The following ZFYVE9 variants were observed in gnomAD, a reference collection of about 807,000 sequenced individuals.
ZFYVE9 encodes zinc finger FYVE domain-containing protein 9.
A neutral mutation model predicts 126.7 loss-of-function variants in ZFYVE9; 43 were observed. The ratio of observed to expected loss-of-function variants is 0.34; its 90% confidence interval spans 0.27 to 0.44. The LOEUF (loss-of-function observed/expected upper bound fraction) is 0.44. Among genes scored for constraint, ZFYVE9 ranks in the 20% least tolerant of loss-of-function variants. The pLI is 1.00. For synonymous variants in ZFYVE9, 521 were observed against 597.4 expected (o/e 0.87, Z 1.87); for missense variants, 1,476 against 1,697.0 (o/e 0.87, Z 2.29).
At chr1:52,324,945 G>A (rs917642320) in intron 13 of ZFYVE9, among the ~76,000 whole-genome samples, 4 of 152,044 alleles carry the variant, frequency 2.6e-5, no homozygotes, top group Non-Finnish European at 5.9e-5. Flanking sequence ...AACCAGCCTT[G>A]GCAACATAGT....
intron 7 of ZFYVE9, among the ~76,000 whole-genome samples, chr1:52,272,672 T>C (rs114138472): frequency 7.1e-4 from 91 of 128,534 alleles, no homozygotes; most frequent in African/African-American, 9.4e-4. Flanking sequence ...CTAGAAATAA[T>C]CTTTTTTTTT....
chr1:52,225,709 G>A (rs930327183), intron 2 of ZFYVE9, among the ~76,000 whole-genome samples: 2 of 152,156 alleles, frequency 1.3e-5, no homozygotes, highest in African/African-American at 4.8e-5. Flanking sequence ...TTATGACCAG[G>A]AAGTTGAGTC....
chr1:52,276,805 AT>A (rs759322446), intron 8 of ZFYVE9, among the ~76,000 whole-genome samples: 1 of 152,240 alleles, frequency 6.6e-6, no homozygotes, highest in Non-Finnish European at 1.5e-5. Context: ...TGTTGGCTAC[AT>A]TAACACTTTT....
intron 1 of ZFYVE9, among the ~76,000 whole-genome samples, chr1:52,164,478 TGTTGG>T (rs1356092915): frequency 5.9e-5 from 9 of 152,040 alleles, no homozygotes; most frequent in African/African-American, 1.9e-4. Context: ...ACTCCCAAAG[TGTTGG>T]GATTACAGGC....
intron 9 of ZFYVE9, among the ~76,000 whole-genome samples, chr1:52,281,080 T>C (rs142233357): frequency 1.0e-3 from 157 of 151,930 alleles, no homozygotes; most frequent in African/African-American, 3.6e-3. Context: ...TTTAAGTGCG[T>C]TTTATTATTA....
At position 52,239,223 on chromosome 1, in the gene ZFYVE9, C is replaced by T. The variant is rs1378162690; in HGVS notation, c.1806C>T (p.Asp602=). The T allele has an allele frequency of 6.2e-7, 1 of 1,614,060 alleles. No individual in the cohort carries two copies. Among genetic ancestry groups the T allele is most frequent in the Admixed American group, 1.7e-5 (1 of 59,994 alleles). The stretch of plus-strand genomic sequence containing the variant: ...CATTATCAGACCATTTACAAAATGA[C>T]TTTCCTGCAAACAGTGGAAATAATA... ...PKPLSDHLQN[D]FPANSGNNTK... The change falls in exon 4 of 19, where the codon GAC becomes GAT. Residue 602 remains aspartate (D), a synonymous_variant. Transcript: ENST00000287727.
intron 2 of ZFYVE9, among the ~76,000 whole-genome samples, chr1:52,225,165 CAG>C (rs1557466490): frequency 6.6e-6 from 1 of 152,178 alleles, no homozygotes; most frequent in Non-Finnish European, 1.5e-5. Flanking sequence ...GGTCTATGCA[CAG>C]AGTTATCTGG....
chr1:52,306,110 C>T (rs1177978617), intron 13 of ZFYVE9, among the ~76,000 whole-genome samples: 2 of 152,278 alleles, frequency 1.3e-5, no homozygotes, highest in African/African-American at 4.8e-5. Context: ...GGCTGGGGGG[C>T]CAGGCCACCA....
chr1:52,263,752 TTC>T lies in ZFYVE9; in HGVS notation c.2179-20_2179-19del. On this transcript the variant is annotated intron_variant, in intron 4 of 18. Coordinates refer to ENST00000287727, the MANE Select transcript of ZFYVE9 (RefSeq NM_004799.4). Reference sequence around the variant, plus strand: ...AATCCCAAGTAAATTTTGTGTGTTCTTCCCCCCCCCCCCCCCACAGGTTTTCT... The same window carrying T: ...AATCCCAAGTAAATTTTGTGTGTTCTCCCCCCCCCCCCCCACAGGTTTTCT... 1.0e-6 allele frequency: 1 copy of T among 975,000 alleles called. No individual in the cohort carries two copies. The highest frequency in any genetic ancestry group is 1.7e-5 in the South Asian group (1 of 59,732). 60.4% of individuals were successfully genotyped at this position (975,000 alleles called of 1,614,324 possible). A position where few individuals can be genotyped will look rare whatever the true frequency, so the allele number is the denominator to read the frequency against.
chr1:52,191,352 G>T (rs1644815117), intron 1 of ZFYVE9, among the ~76,000 whole-genome samples: 1 of 152,096 alleles, frequency 6.6e-6, no homozygotes, highest in Non-Finnish European at 1.5e-5. Flanking sequence ...TATTAATTTG[G>T]CTAAGGTCAC....
intron 13 of ZFYVE9, among the ~76,000 whole-genome samples, chr1:52,328,991 A>T (rs1156376350): frequency 6.6e-6 from 1 of 152,234 alleles, no homozygotes; most frequent in East Asian, 1.9e-4. Flanking sequence ...AATACCTAGG[A>T]GTAAATTTAA....
chr1:52,256,603 A>C (rs1569601449), intron 4 of ZFYVE9, among the ~76,000 whole-genome samples: 1 of 152,184 alleles, frequency 6.6e-6, no homozygotes, highest in Non-Finnish European at 1.5e-5. Context: ...GTACAGCCTC[A>C]GTTGGATATA....
chr1:52,252,971 T>C (rs1475502992), intron 4 of ZFYVE9, among the ~76,000 whole-genome samples: 2 of 152,122 alleles, frequency 1.3e-5, no homozygotes, highest in African/African-American at 4.8e-5. Context: ...CCCAGCACTT[T>C]GGGAGGCCAA....
chr1:52,236,967 A>G (rs1645278431), intron 3 of ZFYVE9, among the ~76,000 whole-genome samples: 1 of 152,120 alleles, frequency 6.6e-6, no homozygotes, highest in Non-Finnish European at 1.5e-5. Context: ...CAGCTTTTTA[A>G]AAGGTAAACT....
At chr1:52,279,038 C>G (rs983591859) in intron 9 of ZFYVE9, among the ~76,000 whole-genome samples, 2 of 152,154 alleles carry the variant, frequency 1.3e-5, no homozygotes, top group East Asian at 3.9e-4. Context: ...CGCGCCTGGC[C>G]TAGCCACATC....
chr1:52,343,721 A>G (rs1156620075), intron 17 of ZFYVE9, among the ~76,000 whole-genome samples: 1 of 148,942 alleles, frequency 6.7e-6, no homozygotes, highest in African/African-American at 2.5e-5. Context: ...GCACCACCGC[A>G]CTCCAGCCTG....
chr1:52,278,368 A>G, intron 8 of ZFYVE9, 124 bp from the exon 9 acceptor site: 1 of 1,252,656 alleles, frequency 8.0e-7, no homozygotes, highest in South Asian at 1.3e-5. Flanking sequence ...CATGCTCTGT[A>G]TGCACCTATT....
chr1:52,240,078 A>G (rs1268103070), intron 4 of ZFYVE9, among the ~76,000 whole-genome samples: 1 of 152,206 alleles, frequency 6.6e-6, no homozygotes, highest in Non-Finnish European at 1.5e-5. Flanking sequence ...TATACAAAAC[A>G]TTCTGGAACT....
At chr1:52,270,757 G>A (rs72895922) in intron 7 of ZFYVE9, among the ~76,000 whole-genome samples, 1,839 of 148,502 alleles carry the variant, frequency 0.012, 25 homozygotes, top group African/African-American at 0.041. Flanking sequence ...AAGTATTTGG[G>A]CCATGTTTTA....
Sources: allele counts gnomAD v4.1 joint callset (sites outside exome capture counted in the v4.1 genomes callset), GRCh38; gene constraint gnomAD v4.1.1; transcripts MANE v1.5; gene names NCBI Gene and HGNC (gene_info 2026-07-23, HGNC 2026-07-21).